The following PPARGC1A variants were observed in gnomAD, a reference collection of about 807,000 sequenced individuals.
PPARGC1A encodes PPARG coactivator 1 alpha.
Under a neutral mutation model 88.7 loss-of-function variants are expected in PPARGC1A, and 25 were observed. The ratio of observed to expected loss-of-function variants is 0.28; its 90% CI spans 0.21 to 0.39. The LOEUF (loss-of-function observed/expected upper bound fraction) is 0.39. Among genes scored for constraint, PPARGC1A ranks in the 10% least tolerant of loss-of-function variants. PPARGC1A has a pLI of 1.00. For missense variants in PPARGC1A, 880 were observed against 968.7 expected (o/e 0.91, Z 1.22); for synonymous variants, 363 against 355.6 (o/e 1.02, Z -0.24).
At chr4:24,096,806 A>G in the PPARGC1A span, among the ~76,000 whole-genome samples, 1 of 152,236 alleles carries the variant, frequency 6.6e-6, no homozygotes. Flanking sequence ...TATGCTGACT[A>G]ATAAGAAATA....
the PPARGC1A span, among the ~76,000 whole-genome samples, chr4:24,211,014 T>TTA: frequency 6.6e-6 from 1 of 152,216 alleles, no homozygotes; most frequent in Admixed American, 6.5e-5. Flanking sequence ...GTAATGAATA[T>TTA]TATCTCCTTG....
chr4:24,384,257 C>A, the PPARGC1A span, among the ~76,000 whole-genome samples: 1 of 152,054 alleles, frequency 6.6e-6, no homozygotes, highest in African/African-American at 2.4e-5. Flanking sequence ...GAGGAAAAAC[C>A]GATACCAGCC....
the PPARGC1A span, among the ~76,000 whole-genome samples, chr4:24,399,182 C>T: frequency 6.6e-6 from 1 of 152,134 alleles, no homozygotes; most frequent in African/African-American, 2.4e-5. Flanking sequence ...TTCCACCTTC[C>T]TATCTGTTTT....
the PPARGC1A span, among the ~76,000 whole-genome samples, chr4:24,203,725 T>C: frequency 6.6e-6 from 1 of 152,272 alleles, no homozygotes; most frequent in Non-Finnish European, 1.5e-5. Flanking sequence ...TGTGAACATC[T>C]GATGCATAAT....
the PPARGC1A span, among the ~76,000 whole-genome samples, chr4:24,392,325 C>T: frequency 6.6e-6 from 1 of 152,156 alleles, no homozygotes; most frequent in African/African-American, 2.4e-5. Flanking sequence ...CCTTGGAGTA[C>T]AATTAAACTA....
the PPARGC1A span, among the ~76,000 whole-genome samples, chr4:24,463,840 C>T: frequency 2.0e-5 from 3 of 152,200 alleles, no homozygotes; most frequent in Non-Finnish European, 4.4e-5. Context: ...TTTGATAGAA[C>T]ATTTAAAATG....
chr4:24,134,585 A>G, the PPARGC1A span, among the ~76,000 whole-genome samples: 2 of 152,258 alleles, frequency 1.3e-5, no homozygotes, highest in African/African-American at 4.8e-5. Context: ...AAGGAAAATC[A>G]CAAATGTACT....
the PPARGC1A span, among the ~76,000 whole-genome samples, chr4:24,393,314 A>G: frequency 2.0e-5 from 3 of 152,184 alleles, no homozygotes; most frequent in African/African-American, 7.2e-5. Flanking sequence ...CCATCCATTC[A>G]TTCTTTTCTA....
the PPARGC1A span, among the ~76,000 whole-genome samples, chr4:24,370,589 C>T: frequency 6.6e-6 from 1 of 151,962 alleles, no homozygotes; most frequent in African/African-American, 2.4e-5. Flanking sequence ...AGGCATCTGG[C>T]TTCATTGTAG....
At chr4:24,147,596 A>C in the PPARGC1A span, among the ~76,000 whole-genome samples, 14 of 152,268 alleles carry the variant, frequency 9.2e-5, no homozygotes, top group South Asian at 2.9e-3. Flanking sequence ...ACAAGGTCAG[A>C]GCCAGACAAC....
chr4:23,935,102 C>T, the PPARGC1A span, among the ~76,000 whole-genome samples: 3 of 152,268 alleles, frequency 2.0e-5, no homozygotes, highest in Middle Eastern at 6.8e-3. Context: ...GCCAAGGATC[C>T]TTCTTGCAAA....
At chr4:24,036,680 A>G in the PPARGC1A span, among the ~76,000 whole-genome samples, 2 of 152,176 alleles carry the variant, frequency 1.3e-5, no homozygotes, top group South Asian at 4.1e-4. Context: ...ATAAGAACAG[A>G]CAGACAAATT....
At chr4:23,906,644 C>T (rs1560547092), upstream of PPARGC1A, among the ~76,000 whole-genome samples, 2 of 151,074 alleles carry the variant, frequency 1.3e-5, no homozygotes, top group Admixed American at 6.6e-5. Flanking sequence ...ATTTTCCATG[C>T]TACAACTGTG....
chr4:24,089,500 C>CTTTT, the PPARGC1A span, among the ~76,000 whole-genome samples: 5 of 94,254 alleles, frequency 5.3e-5, no homozygotes, highest in African/African-American at 2.1e-4. Flanking sequence ...CTTTTCTTTT[C>CTTTT]TTTTCTTTTC....
At chr4:23,944,828 A>C in the PPARGC1A span, among the ~76,000 whole-genome samples, 1 of 152,108 alleles carries the variant, frequency 6.6e-6, no homozygotes, top group Non-Finnish European at 1.5e-5. Flanking sequence ...CATGACTGTA[A>C]GTTTCCTGAG....
the PPARGC1A span, among the ~76,000 whole-genome samples, chr4:24,455,893 C>T: frequency 6.6e-6 from 1 of 152,178 alleles, no homozygotes; most frequent in Non-Finnish European, 1.5e-5. Flanking sequence ...ATAAATTACC[C>T]AGTCTGTGGT....
chr4:23,898,448 G>T (rs1718869326), intron 1 of PPARGC1A, among the ~76,000 whole-genome samples: 1 of 152,166 alleles, frequency 6.6e-6, no homozygotes, highest in Admixed American at 6.5e-5. Context: ...CAGAAATTAG[G>T]AGAGGGAGCA....
chr4:23,991,875 G>GA, the PPARGC1A span, among the ~76,000 whole-genome samples: 1 of 151,878 alleles, frequency 6.6e-6, no homozygotes, highest in African/African-American at 2.4e-5. Flanking sequence ...GGAACGAAAA[G>GA]AAAAAAATAG....
chr4:24,040,308 C>T, the PPARGC1A span, among the ~76,000 whole-genome samples: 1 of 152,172 alleles, frequency 6.6e-6, no homozygotes, highest in African/African-American at 2.4e-5. Flanking sequence ...TTAAAAAGCA[C>T]AAATGATTTT....
Sources: allele counts gnomAD v4.1 joint callset (sites outside exome capture counted in the v4.1 genomes callset), GRCh38; gene constraint gnomAD v4.1.1; transcripts MANE v1.5; gene names NCBI Gene and HGNC (gene_info 2026-07-23, HGNC 2026-07-21).